The following AGBL4 variants were observed in gnomAD, a reference collection of about 807,000 sequenced individuals.
AGBL4 encodes the protein AGBL carboxypeptidase 4, also known as cytosolic carboxypeptidase 6.
In AGBL4, 58 loss-of-function variants were observed where a neutral mutation model predicts 66.4. That is an observed-to-expected ratio of 0.87 (90% CI 0.71 to 1.09). The LOEUF is 1.09. Ranked by LOEUF, AGBL4 falls within the 50% of genes least tolerant of loss-of-function variation. The pLI is 0.00. For synonymous variants in AGBL4, 234 were observed against 222.9 expected, an observed-to-expected ratio of 1.05 and a Z score of -0.44; for missense variants, 579 against 631.0, an observed-to-expected ratio of 0.92 and a Z score of 0.88.
chr1:48,685,869 T>C (rs1183999746), intron 6 of AGBL4, among the ~76,000 whole-genome samples: 1 of 152,218 alleles, frequency 6.6e-6, no homozygotes, highest in Non-Finnish European at 1.5e-5. Flanking sequence ...TGGATCATGA[T>C]GGCAATAGTC....
chr1:49,724,909 A>T (rs1648900143), intron 2 of AGBL4, among the ~76,000 whole-genome samples: 1 of 152,108 alleles, frequency 6.6e-6, no homozygotes, highest in Non-Finnish European at 1.5e-5. Flanking sequence ...GTGAGAAAAT[A>T]AATTTCTGTT....
At chr1:49,905,915 C>T (rs1416795319) in intron 1 of AGBL4, among the ~76,000 whole-genome samples, 1 of 152,020 alleles carries the variant, frequency 6.6e-6, no homozygotes, top group African/African-American at 2.4e-5. Context: ...TACAGACTTA[C>T]AGCTGTATTA....
At chr1:48,562,243 C>T (rs966706150) in intron 11 of AGBL4, among the ~76,000 whole-genome samples, 1 of 152,106 alleles carries the variant, frequency 6.6e-6, no homozygotes, top group African/African-American at 2.4e-5. Context: ...AAGAAAGATC[C>T]CCTAAGATAT....
In AGBL4 at chr1:49,333,582, T is replaced by G. The variant is rs192183615; in HGVS notation, c.283-87718A>C. On this transcript the variant is annotated intron_variant, in intron 3 of 13. Transcript: ENST00000371839. ...CAAGTTATTGATATTGTTCTTTTCC[T>G]TAGATTCGATGGTGGGTTGAGTAGT... is the stretch of plus-strand genomic sequence containing the variant. Among the ~76,000 whole-genome samples, 8 of 152,312 alleles carry G rather than the reference T, an allele frequency of 5.3e-5. No individual in the cohort carries two copies. In the East Asian group the frequency reaches 1.5e-3, roughly 29 times the overall value.
intron 3 of AGBL4, among the ~76,000 whole-genome samples, chr1:49,402,757 G>A (rs983886779): frequency 6.6e-6 from 1 of 152,106 alleles, no homozygotes; most frequent in Non-Finnish European, 1.5e-5. Context: ...AGTAGAGACA[G>A]AGTTTCTCCA....
At chr1:49,167,245 CTATATT>C (rs1222722862) in intron 4 of AGBL4, among the ~76,000 whole-genome samples, 1 of 152,186 alleles carries the variant, frequency 6.6e-6, no homozygotes, top group African/African-American at 2.4e-5. Context: ...TTTTCTATTA[CTATATT>C]TATATGTTGA....
intron 3 of AGBL4, among the ~76,000 whole-genome samples, chr1:49,661,929 G>A (rs1646276914): frequency 6.6e-6 from 1 of 151,962 alleles, no homozygotes; most frequent in South Asian, 2.1e-4. Context: ...TCTATCAACA[G>A]GTGAATGGAT....
intron 1 of AGBL4, among the ~76,000 whole-genome samples, chr1:49,957,333 C>A (rs1171413341): frequency 1.3e-5 from 2 of 152,020 alleles, no homozygotes; most frequent in Admixed American, 1.3e-4. Context: ...AATGCATATT[C>A]TGTTGATTTG....
At chr1:48,676,383 G>A (rs79004011) in intron 6 of AGBL4, among the ~76,000 whole-genome samples, 4,646 of 152,304 alleles carry the variant, frequency 0.031, 206 homozygotes, top group African/African-American at 0.1. Context: ...AGGCACAAGC[G>A]CAGTGACTGC....
intron 1 of AGBL4, among the ~76,000 whole-genome samples, chr1:49,874,259 A>G (rs141696195): frequency 6.0e-4 from 91 of 152,296 alleles, no homozygotes; most frequent in Middle Eastern, 3.4e-3. Context: ...TAGCACAGAA[A>G]TATCTTTGCA....
At chr1:48,869,651 G>A (rs1293989850) in intron 5 of AGBL4, among the ~76,000 whole-genome samples, 2 of 152,140 alleles carry the variant, frequency 1.3e-5, no homozygotes, top group Non-Finnish European at 2.9e-5. Context: ...ACTCTAAAAT[G>A]AGCAAGTGAG....
chr1:49,533,006 T>C (rs1244998012), intron 3 of AGBL4, among the ~76,000 whole-genome samples: 1 of 152,182 alleles, frequency 6.6e-6, no homozygotes, highest in Non-Finnish European at 1.5e-5. Flanking sequence ...CATTCCACAG[T>C]ACAATTCTGC....
In AGBL4 at chr1:48,772,870, CTG is replaced by C. The variant is rs541059623; in HGVS notation, c.634+94319_634+94320del. Reference sequence around the variant, plus strand: ...AGCCCACCTTGAATTGGTCCATTCTCTGTGTTTCCCCAGTGCCTGGCTTCTAC... The same window carrying C: ...AGCCCACCTTGAATTGGTCCATTCTCTGTTTCCCCAGTGCCTGGCTTCTAC... On this transcript the variant is annotated intron_variant, in intron 6 of 13. Transcript: ENST00000371839. 7.9e-5 allele frequency among the ~76,000 whole-genome samples: 12 copies of C among 152,324 alleles called. No individual in the cohort carries two copies. In the East Asian group the frequency reaches 2.3e-3, roughly 29 times the overall value.
intron 9 of AGBL4, among the ~76,000 whole-genome samples, chr1:48,591,405 T>C (rs1249459543): frequency 1.3e-5 from 2 of 152,180 alleles, no homozygotes; most frequent in Non-Finnish European, 2.9e-5. Flanking sequence ...CACAATTGTA[T>C]TTACTTTGGG....
chr1:49,074,907 C>T (rs565573889), intron 4 of AGBL4, among the ~76,000 whole-genome samples: 6 of 152,180 alleles, frequency 3.9e-5, no homozygotes, highest in East Asian at 3.9e-4. Flanking sequence ...CCTCAGCTAG[C>T]GAGAGATTCA....
chr1:49,977,986 T>C (rs1477541471), intron 1 of AGBL4, among the ~76,000 whole-genome samples: 1 of 152,196 alleles, frequency 6.6e-6, no homozygotes, highest in African/African-American at 2.4e-5. Context: ...TAAGCAACTT[T>C]TGAGATAGGA....
At chr1:48,955,215 C>T (rs1254146446) in intron 5 of AGBL4, among the ~76,000 whole-genome samples, 1 of 152,172 alleles carries the variant, frequency 6.6e-6, no homozygotes, top group Non-Finnish European at 1.5e-5. Context: ...AGATGAAAAA[C>T]GTCTGAGTTG....
intron 3 of AGBL4, among the ~76,000 whole-genome samples, chr1:49,499,625 T>C (rs1164955230): frequency 6.6e-6 from 1 of 151,888 alleles, no homozygotes; most frequent in Non-Finnish European, 1.5e-5. Flanking sequence ...TGGTTTTCCA[T>C]TATTTAGTTA....
At chr1:48,628,946 C>T (rs1042115272) in intron 9 of AGBL4, among the ~76,000 whole-genome samples, 2 of 117,060 alleles carry the variant, frequency 1.7e-5, no homozygotes, top group Non-Finnish European at 3.7e-5. Context: ...CTGGCCTTCT[C>T]ATCAGATTGT....
Sources: allele counts gnomAD v4.1 joint callset (sites outside exome capture counted in the v4.1 genomes callset), GRCh38; gene constraint gnomAD v4.1.1; transcripts MANE v1.5; gene names NCBI Gene and HGNC (gene_info 2026-07-23, HGNC 2026-07-21).